IVD: variants seen among roughly 807,000 people sequenced by gnomAD.
IVD encodes isovaleryl-CoA dehydrogenase, also known as isovaleryl-CoA dehydrogenase, mitochondrial.
IVD carries 31 observed loss-of-function variants against 51.3 expected under a neutral mutation model. The ratio of observed to expected loss-of-function variants is 0.60; its 90% confidence interval spans 0.45 to 0.81. The LOEUF is 0.81. Ranked by LOEUF, IVD falls within the 40% of genes least tolerant of loss-of-function variation. IVD has a pLI of 0.00. For synonymous variants in IVD, 205 were observed against 219.4 expected, an observed-to-expected ratio of 0.93 and a Z score of 0.58; for missense variants, 475 against 552.0, an observed-to-expected ratio of 0.86 and a Z score of 1.40.
intron 11 of IVD, among the ~76,000 whole-genome samples, chr15:40,417,674 G>A (rs995134253): frequency 6.6e-5 from 10 of 152,154 alleles, no homozygotes; most frequent in Non-Finnish European, 1.0e-4. Flanking sequence ...CTGCCCGTTA[G>A]TAGTCACCTA....
chr15:40,435,287 G>A (rs904841698), intron 8 of IVD: 2 of 536,696 alleles, frequency 3.7e-6, no homozygotes, highest in African/African-American at 4.1e-5. Context: ...ATCTTAGCGA[G>A]TGAGGGAGGA....
At chr15:40,424,135 G>T (rs1255074441), downstream of IVD, 1 of 1,283,580 alleles carries the variant, frequency 7.8e-7, no homozygotes, top group Non-Finnish European at 1.0e-6. Context: ...CTTCTTCCAG[G>T]CCATGCCCCT....
At chr15:40,428,201 C>T (rs1297966867), downstream of IVD, among the ~76,000 whole-genome samples, 1 of 149,536 alleles carries the variant, frequency 6.7e-6, no homozygotes, top group East Asian at 2.0e-4. Context: ...AAAAAAAAGA[C>T]TGGACTGTTT....
intron 1 of IVD, 177 bp downstream of exon 1, chr15:40,406,148 C>T: frequency 6.5e-7 from 1 of 1,539,832 alleles, no homozygotes; most frequent in South Asian, 1.2e-5. Context: ...CGGGTCCAGT[C>T]CTCTGACCTC....
At position 40,407,918 on chromosome 15, in the gene IVD, T is replaced by C. The variant is rs544538663; in HGVS notation, c.235-21T>C. 9 of 1,613,798 alleles carry C rather than the reference T, an allele frequency of 5.6e-6. No individual in the cohort carries two copies. In the South Asian group the frequency reaches 7.7e-5, roughly 14 times the overall value. On this transcript the variant is annotated intron_variant, in intron 2 of 11. Transcript: ENST00000487418. ...GCCTTCCCCTCAACACTTATTCCAC[T>C]CTGCTCCATTCTGTTGGCAGGAATT... is the stretch of plus-strand genomic sequence containing the variant.
At position 40,419,084 on chromosome 15, in the gene IVD, C is replaced by T. The variant is rs558747313; in HGVS notation, c.*821C>T. On this transcript the variant is annotated 3_prime_UTR_variant, in exon 12 of 12. Coordinates refer to ENST00000487418, the MANE Select transcript of IVD (RefSeq NM_002225.5). ...CCAGGAGGCGGACGTTGCAGTGAGCCGAGCTTGTGCCATTGCACTCCAGCC... is the reference window on the plus strand; with the variant it reads ...CCAGGAGGCGGACGTTGCAGTGAGCTGAGCTTGTGCCATTGCACTCCAGCC... 5.2e-6 allele frequency: 6 copies of T among 1,163,154 alleles called. No individual in the cohort carries two copies. Among genetic ancestry groups the T allele is most frequent in the African/African-American group, 3.2e-5 (2 of 63,006 alleles). 72.1% of individuals were successfully genotyped at this position (1,163,154 alleles called of 1,614,324 possible).
downstream of IVD, among the ~76,000 whole-genome samples, chr15:40,422,322 C>T (rs1320355344): frequency 5.3e-5 from 8 of 151,794 alleles, no homozygotes; most frequent in African/African-American, 1.7e-4. Flanking sequence ...CTCGCTCTGT[C>T]GCCCAAGCTG....
Position 40,411,169 on chromosome 15 carries a change from G to C in IVD, c.457-91G>C, listed in dbSNP as rs1891033772. ...CTGGTCTGAGAGCGAAGTTTGAAGG[G>C]GTTTAATGTGGACAGGAAGAGGCAG... On this transcript the variant is annotated intron_variant, in intron 4 of 11. Transcript: ENST00000487418. The C allele has an allele frequency of 2.4e-6, 3 of 1,243,126 alleles. No individual in the cohort carries two copies. The South Asian group carries it at 3.6e-5, about 15-fold the overall frequency. 77.0% of individuals were successfully genotyped at this position (1,243,126 alleles called of 1,614,324 possible).
At chr15:40,427,388 T>C (rs1368333092), downstream of IVD, among the ~76,000 whole-genome samples, 2 of 152,236 alleles carry the variant, frequency 1.3e-5, no homozygotes, top group African/African-American at 2.4e-5. Context: ...GCAAGGAGCG[T>C]GAACACGCAG....
At chr15:40,418,022 T>TTA (rs1231984889) in intron 11 of IVD, 108 bp from the exon 12 acceptor site, 1 of 1,503,520 alleles carries the variant, frequency 6.7e-7, no homozygotes, top group African/African-American at 1.4e-5. Context: ...CTGCTTTTCT[T>TTA]TAATCACCCT....
chr15:40,406,166 C>G (rs1890387106), intron 1 of IVD, 195 bp downstream of exon 1: 2 of 1,538,890 alleles, frequency 1.3e-6, no homozygotes, highest in East Asian at 2.5e-5. Flanking sequence ...CTCGGCCTCA[C>G]GTCTGTGGAG....
At chr15:40,410,895 T>C in intron 4 of IVD, 98 bp downstream of exon 4, 1 of 1,427,272 alleles carries the variant, frequency 7.0e-7, no homozygotes, top group Non-Finnish European at 9.7e-7. Context: ...CTGCTTTCTG[T>C]AGCATGCTGC....
intron 7 of IVD, 158 bp from the exon 8 acceptor site, chr15:40,414,731 T>C: frequency 7.5e-7 from 1 of 1,327,248 alleles, no homozygotes; most frequent in Non-Finnish European, 1.0e-6. Context: ...AGGGGTTCAC[T>C]TGATCCTTTT....
intron 6 of IVD, chr15:40,412,783 A>G (rs566736558): frequency 9.5e-5 from 55 of 579,434 alleles, no homozygotes; most frequent in Non-Finnish European, 1.5e-4. Flanking sequence ...ACTGGGGAGA[A>G]CACAAGCTAG....
intron 7 of IVD, among the ~76,000 whole-genome samples, chr15:40,413,599 C>T (rs916375200): frequency 1.4e-4 from 21 of 152,018 alleles, no homozygotes; most frequent in Admixed American, 8.5e-4. Flanking sequence ...TGGTGGAGCA[C>T]TGTGGGAGAG....
intron 11 of IVD, among the ~76,000 whole-genome samples, chr15:40,417,182 T>C (rs1242844898): frequency 8.2e-6 from 1 of 121,332 alleles, no homozygotes; most frequent in African/African-American, 3.3e-5. Flanking sequence ...CCAGCCTGAG[T>C]GACAAGAGTG....
intron 8 of IVD, among the ~76,000 whole-genome samples, chr15:40,434,983 C>T (rs1595836954): frequency 1.3e-5 from 2 of 152,188 alleles, no homozygotes; most frequent in East Asian, 1.9e-4. Context: ...GGTACAATTC[C>T]GGCTAGGGTA....
intron 7 of IVD, among the ~76,000 whole-genome samples, chr15:40,432,813 C>G (rs1893053526): frequency 1.3e-5 from 2 of 152,306 alleles, no homozygotes; most frequent in Non-Finnish European, 1.5e-5. Context: ...GCCATCCTGC[C>G]TGACTGAAGC....
chr15:40,424,472 C>T, downstream of IVD: 1 of 274,822 alleles, frequency 3.6e-6, no homozygotes, highest in Non-Finnish European at 7.1e-6. Flanking sequence ...TCTTCTCCAA[C>T]CTTCCCTCAT....
Sources: gnomAD v4.1 joint callset for allele counts (sites outside exome capture counted in the v4.1 genomes callset) on GRCh38, gnomAD v4.1.1 for gene constraint, MANE v1.5 for transcripts, NCBI Gene and HGNC (gene_info 2026-07-23, HGNC 2026-07-21) for gene names.